PPP2R3A: variants seen among roughly 807,000 people sequenced by gnomAD.
PPP2R3A encodes protein phosphatase 2 regulatory subunit B''alpha.
PPP2R3A carries 80 observed loss-of-function variants against 106.9 expected under a neutral mutation model. That is an observed-to-expected ratio of 0.75 (90% CI 0.62 to 0.90). The LOEUF (loss-of-function observed/expected upper bound fraction) is 0.90. Ranked by LOEUF, PPP2R3A falls within the 40% of genes least tolerant of loss-of-function variation. PPP2R3A has a pLI of 0.00. For synonymous variants in PPP2R3A, 483 were observed against 468.3 expected, an observed-to-expected ratio of 1.03 and a Z score of -0.41; for missense variants, 1,386 against 1,350.4, an observed-to-expected ratio of 1.03 and a Z score of -0.41.
chr3:136,120,958 A>AG (rs979521915), intron 13 of PPP2R3A, among the ~76,000 whole-genome samples: 13 of 152,316 alleles, frequency 8.5e-5, no homozygotes, highest in Non-Finnish European at 1.5e-4. Flanking sequence ...TCCAGAGAAA[A>AG]GGGAATGCAC....
intron 6 of PPP2R3A, 111 bp from the exon 7 acceptor site, chr3:136,078,256 T>G (rs1936659855): frequency 1.4e-6 from 1 of 734,628 alleles, no homozygotes; most frequent in Admixed American, 2.7e-5. Flanking sequence ...CTTAACATAA[T>G]CAAAAAGCTA....
chr3:136,071,280 C>T (rs1209429496), intron 6 of PPP2R3A, among the ~76,000 whole-genome samples: 2 of 152,230 alleles, frequency 1.3e-5, no homozygotes, highest in African/African-American at 4.8e-5. Context: ...GGACCACCCT[C>T]CTATACTTAG....
chr3:135,967,829 T>C (rs894095904), intron 1 of PPP2R3A, among the ~76,000 whole-genome samples: 3 of 152,230 alleles, frequency 2.0e-5, no homozygotes, highest in Non-Finnish European at 4.4e-5. Context: ...TTCTCATTTG[T>C]AGTTCTGTTG....
At chr3:135,995,978 C>G (rs1438594524) in intron 1 of PPP2R3A, among the ~76,000 whole-genome samples, 1 of 152,118 alleles carries the variant, frequency 6.6e-6, no homozygotes, top group Non-Finnish European at 1.5e-5. Flanking sequence ...AAAGAGTGTT[C>G]TGCTATGATC....
chr3:135,992,300 C>T (rs1933202334), intron 1 of PPP2R3A, among the ~76,000 whole-genome samples: 1 of 152,160 alleles, frequency 6.6e-6, no homozygotes, highest in South Asian at 2.1e-4. Context: ...CTTGTGTTCT[C>T]TGTTAAATAA....
intron 10 of PPP2R3A, among the ~76,000 whole-genome samples, chr3:136,100,453 TC>T (rs1937331505): frequency 6.6e-6 from 1 of 151,328 alleles, no homozygotes; most frequent in Admixed American, 6.6e-5. Context: ...GGCGGGCAGA[TC>T]ACCTGAGGTC....
chr3:136,014,635 CAGTT>C (rs1934209353), intron 2 of PPP2R3A, among the ~76,000 whole-genome samples: 1 of 151,954 alleles, frequency 6.6e-6, no homozygotes, highest in African/African-American at 2.4e-5. Flanking sequence ...AGCTTGGTCT[CAGTT>C]GGTGTATAGC....
intron 6 of PPP2R3A, among the ~76,000 whole-genome samples, chr3:136,071,717 C>G (rs1033732967): frequency 4.6e-5 from 7 of 152,162 alleles, no homozygotes; most frequent in East Asian, 1.9e-4. Flanking sequence ...AGAATAAAAG[C>G]CAAGTCCTTG....
At chr3:136,141,312 T>C (rs1010978656) in intron 13 of PPP2R3A, among the ~76,000 whole-genome samples, 1 of 152,162 alleles carries the variant, frequency 6.6e-6, no homozygotes, top group Non-Finnish European at 1.5e-5. Flanking sequence ...TGTGCAGTGA[T>C]TTTGAGGCAG....
intron 5 of PPP2R3A, among the ~76,000 whole-genome samples, chr3:136,051,079 G>A (rs1453867594): frequency 6.6e-6 from 1 of 152,124 alleles, no homozygotes; most frequent in Non-Finnish European, 1.5e-5. Flanking sequence ...TTCTACTATA[G>A]CATTCTTCAT....
chr3:136,143,777 CG>C (rs1559945417), intron 13 of PPP2R3A, among the ~76,000 whole-genome samples: 3 of 152,116 alleles, frequency 2.0e-5, no homozygotes, highest in Non-Finnish European at 4.4e-5. Context: ...GGCGACACAG[CG>C]AGACTCCATC....
intron 2 of PPP2R3A, among the ~76,000 whole-genome samples, chr3:136,014,081 A>G (rs552416350): frequency 1.8e-4 from 27 of 152,284 alleles, no homozygotes; most frequent in African/African-American, 2.4e-4. Context: ...TTCCAGCACT[A>G]TTTGTTGAAT....
At chr3:136,095,493 A>G (rs1187735089) in intron 10 of PPP2R3A, among the ~76,000 whole-genome samples, 2 of 152,184 alleles carry the variant, frequency 1.3e-5, no homozygotes, top group Middle Eastern at 3.2e-3. Context: ...CAGAAGCTCT[A>G]AGAGACTGTG....
intron 3 of PPP2R3A, among the ~76,000 whole-genome samples, chr3:136,029,620 G>A (rs1934794434): frequency 1.3e-5 from 2 of 152,198 alleles, no homozygotes; most frequent in Non-Finnish European, 2.9e-5. Context: ...CAGCAGTGTT[G>A]AAACTGACAG....
chr3:136,043,374 G>C (rs1013257533), intron 4 of PPP2R3A, among the ~76,000 whole-genome samples: 3 of 152,106 alleles, frequency 2.0e-5, no homozygotes, highest in Admixed American at 1.3e-4. Flanking sequence ...CAGGAGAATC[G>C]CGGGAACCCA....
At chr3:136,118,171 T>C (rs1369138046) in intron 13 of PPP2R3A, among the ~76,000 whole-genome samples, 1 of 152,174 alleles carries the variant, frequency 6.6e-6, no homozygotes, top group Non-Finnish European at 1.5e-5. Context: ...TCGACAAAAT[T>C]CAACAGCCCT....
intron 5 of PPP2R3A, among the ~76,000 whole-genome samples, chr3:136,056,675 AT>A (rs1284072763): frequency 4.7e-5 from 7 of 150,080 alleles, no homozygotes; most frequent in East Asian, 2.0e-4. Flanking sequence ...CTTAGCATTG[AT>A]TTTTTTTTTG....
chr3:135,981,821 A>G (rs1311980274), intron 1 of PPP2R3A, among the ~76,000 whole-genome samples: 1 of 151,848 alleles, frequency 6.6e-6, no homozygotes. Flanking sequence ...GAAGAAAGGA[A>G]GGCCAAGGGA....
intron 1 of PPP2R3A, among the ~76,000 whole-genome samples, chr3:135,972,849 A>C (rs182216191): frequency 3.2e-4 from 49 of 152,316 alleles, no homozygotes; most frequent in Non-Finnish European, 6.8e-4. Flanking sequence ...ATATGGATAC[A>C]AATCAGGTTT....
Sources: gnomAD v4.1 joint callset for allele counts (sites outside exome capture counted in the v4.1 genomes callset) on GRCh38, gnomAD v4.1.1 for gene constraint, MANE v1.5 for transcripts, NCBI Gene and HGNC (gene_info 2026-07-23, HGNC 2026-07-21) for gene names.